ART4: variants seen among roughly 807,000 people sequenced by gnomAD.
ART4 encodes the protein ADP-ribosyltransferase 4 (inactive) (Dombrock blood group).
In ART4, 14 loss-of-function variants were observed where a neutral mutation model predicts 24.2. The ratio of observed to expected loss-of-function variants is 0.58; its 90% CI spans 0.38 to 0.90. ART4 has a LOEUF of 0.90. ART4 is among the 40% of genes least tolerant of loss of function. The pLI, the probability that ART4 is intolerant of heterozygous loss-of-function variation, is 0.00. For missense variants in ART4, 356 were observed against 366.6 expected (o/e 0.97, Z 0.24); for synonymous variants, 145 against 139.9 (o/e 1.04, Z -0.26).
Position 14,840,820 on chromosome 12 carries a change from G to GTAAAT in ART4, c.473_477dup (p.His160IlefsTer13). The GTAAAT allele has an allele frequency of 6.2e-7, 1 of 1,614,194 alleles. No individual in the cohort carries two copies. Among genetic ancestry groups the GTAAAT allele is most frequent in the Non-Finnish European group, 8.5e-7 (1 of 1,180,036 alleles). ...TGGATTGCTGAGGTGAGGTAGTAGT[G>GTAAAT]TAAATATTTGAAGTGGAATGAACGT... On this transcript the variant is annotated frameshift_variant, in exon 2 of 3. Coordinates refer to ENST00000228936, the MANE Select transcript of ART4 (RefSeq NM_021071.4). LOFTEE classifies it high-confidence loss of function.
intron 2 of ART4, among the ~76,000 whole-genome samples, chr12:14,839,288 T>A (rs1404699112): frequency 1.3e-5 from 2 of 152,284 alleles, no homozygotes; most frequent in East Asian, 3.9e-4. Flanking sequence ...CTACACATCC[T>A]ACACACCAGC....
chr12:14,841,119 C>G lies in ART4; in HGVS notation c.179G>C (p.Gly60Ala). The G allele has an allele frequency of 7.0e-6, 11 of 1,581,726 alleles. No homozygotes were observed. The highest frequency in any genetic ancestry group is 9.4e-6 in the Non-Finnish European group (11 of 1,167,578). ...GCCTTGGTACTGATCATCAAAAGAA[C>G]CTGGTGCGAAGTCGAAGTCGATTTT... ...AIKIDFDFAP[G>A]SFDDQYQGCS... Residue 60 changes from glycine (G) to alanine (A), a missense_variant, in exon 2 of 3, where the codon GGT becomes GCT. Transcript: ENST00000228936.
rs1002037229 is a variant in ART4 at position 14,840,747 on chromosome 12, T to C, written c.551A>G (p.Glu184Gly). 6 of 1,614,160 alleles carry C rather than the reference T, an allele frequency of 3.7e-6. No individual in the cohort carries two copies. Among genetic ancestry groups the C allele is most frequent in the Non-Finnish European group, 3.4e-6 (4 of 1,180,032 alleles). Residue 184 changes from glutamate to glycine, a missense_variant, in exon 2 of 3, where the codon GAG becomes GGG. Physicochemically the swap from Glu to Gly is moderately conservative, Grantham distance 98. Coordinates refer to ENST00000228936, the MANE Select transcript of ART4 (RefSeq NM_021071.4). ...SIMENGTLCY[E>G]VHYRTKDVHF... is the part of the protein sequence containing the mutation. ...GACATCCTTCGTCCTATAATGCACC[T>C]CATAGCACAGAGTGCCATTCTCCAT...
chr12:14,840,890 A>C lies in ART4; in HGVS notation c.408T>G (p.Phe136Leu). 1 of 1,614,208 alleles carries C rather than the reference A, an allele frequency of 6.2e-7. No individual in the cohort carries two copies. The highest frequency in any genetic ancestry group is 8.5e-7 in the Non-Finnish European group (1 of 1,180,018). The change falls in exon 2 of 3, where the codon TTT becomes TTG. Residue 136 changes from phenylalanine (F) to leucine (L), a missense_variant. Physicochemically the swap from Phe to Leu is conservative, Grantham distance 22 (BLOSUM62 0). Transcript: ENST00000228936. ...YTLNSNVHSD[F>L]TRAMASVART... Reference sequence around the variant, plus strand: ...TGGCAACAGAGGCCATGGCTCTAGTAAAGTCAGAATGAACATTGCTGTTCA... The same window carrying C: ...TGGCAACAGAGGCCATGGCTCTAGTCAAGTCAGAATGAACATTGCTGTTCA...
chr12:14,836,192 T>C (rs1240622715), intron 2 of ART4, among the ~76,000 whole-genome samples: 3 of 152,192 alleles, frequency 2.0e-5, no homozygotes. Flanking sequence ...CAGTAGATCT[T>C]AGCAACCTCA....
chr12:14,842,872 G>A, intron 1 of ART4, 98 bp downstream of exon 1: 1 of 1,378,214 alleles, frequency 7.3e-7, no homozygotes, highest in South Asian at 1.5e-5. Context: ...ACTAGATTCT[G>A]AATGCCTAAG....
rs1304888033 is a variant in ART4, at chr12:14,828,577, C to G, written c.*794G>C. On this transcript the variant is annotated 3_prime_UTR_variant, in exon 3 of 3. Coordinates refer to ENST00000228936, the MANE Select transcript of ART4 (RefSeq NM_021071.4). ...TGGTGAAGAATTTGTCCTTTGCTTT[C>G]TAATTTAATCTTCTTTGATTTGTTC... The G allele has an allele frequency of 6.6e-6, 1 of 151,528 alleles. No homozygotes were observed. The highest frequency in any genetic ancestry group is 2.4e-5 in the African/African-American group (1 of 41,138). 9.4% of individuals were successfully genotyped at this position (151,528 alleles called of 1,614,324 possible).
At chr12:14,836,706 A>C (rs2137301699) in intron 2 of ART4, among the ~76,000 whole-genome samples, 1 of 152,226 alleles carries the variant, frequency 6.6e-6, no homozygotes, top group African/African-American at 2.4e-5. Context: ...ACCCTTAGTC[A>C]GAGTCTGGGA....
rs148711787 is a variant in ART4 at position 14,840,601 on chromosome 12, C to A, written c.697G>T (p.Gly233Cys). 7.1e-4 allele frequency: 1,144 copies of A among 1,614,004 alleles called. No individual in the cohort carries two copies. The highest frequency in any genetic ancestry group is 8.9e-4 in the Non-Finnish European group (1,050 of 1,180,028). ...QTLFTIFTCLGAPVQYFSLKK... is the reference protein window; with the variant it reads ...QTLFTIFTCLCAPVQYFSLKK... ...AGGGAGAAGTACTGTACAGGTGCAC[C>A]CAGGCAGGTGAATATGGTAAATAGT... Residue 233 changes from glycine (G) to cysteine (C), a missense_variant, in exon 2 of 3, where the codon GGT becomes TGT. Physicochemically the swap from Gly to Cys is radical, Grantham distance 159. Transcript: ENST00000228936.
In ART4 at chr12:14,840,680, T is replaced by C. The variant is rs1458196989; in HGVS notation, c.618A>G (p.Gln206=). 6.2e-7 allele frequency: 1 copy of C among 1,614,118 alleles called. No homozygotes were observed. The highest frequency in any genetic ancestry group is 2.2e-5 in the East Asian group (1 of 44,870). Residue 206 remains glutamine, a synonymous_variant, in exon 2 of 3, where the codon CAA becomes CAG. Transcript: ENST00000228936. ...CTTTCAGGAGGGATGTGGAGAGGAA[T>C]TGGCCAAATCGAATGGTGGCCCCTG... ...AYTGATIRFG[Q]FLSTSLLKEE...
In ART4 at chr12:14,841,113, A is replaced by G. The variant is rs150640567; in HGVS notation, c.185T>C (p.Phe62Ser). The change falls in exon 2 of 3, where the codon TTT becomes TCT. Residue 62 changes from phenylalanine (F) to serine (S), a missense_variant. Coordinates refer to ENST00000228936, the MANE Select transcript of ART4 (RefSeq NM_021071.4). ...GCTACAGCCTTGGTACTGATCATCA[A>G]AAGAACCTGGTGCGAAGTCGAAGTC... ...KIDFDFAPGS[F>S]DDQYQGCSKQ... 6.9e-4 allele frequency: 1,102 copies of G among 1,590,500 alleles called. 1 individual carries two copies. The highest frequency in any genetic ancestry group is 8.8e-4 in the Non-Finnish European group (1,026 of 1,171,966).
chr12:14,836,975 C>G (rs1592250002), intron 2 of ART4, among the ~76,000 whole-genome samples: 2 of 152,228 alleles, frequency 1.3e-5, no homozygotes, highest in East Asian at 3.9e-4. Flanking sequence ...TATTCTTGCA[C>G]TTTGGGGCCA....
rs1218206933 is a variant in ART4, at chr12:14,840,495, T to G, written c.803A>C (p.Gln268Pro). The G allele has an allele frequency of 6.2e-7, 1 of 1,614,096 alleles. No individual in the cohort carries two copies. The highest frequency in any genetic ancestry group is 1.1e-5 in the South Asian group (1 of 91,034). ...GCTCAGGTTCCCAGTTGACCTCAAC[T>G]GCAACCAGTCTCCTCTTGGGTGGTA... The part of the protein sequence containing the change: ...MSYHPRGDWL[Q>P]LRSTGNLSTY... Residue 268 changes from glutamine to proline, a missense_variant, in exon 2 of 3, where the codon CAG becomes CCG. By Grantham distance (76) the Gln-to-Pro change is moderately conservative. Coordinates refer to ENST00000228936, the MANE Select transcript of ART4 (RefSeq NM_021071.4).
chr12:14,827,125 C>G lies in ART4; in HGVS notation c.*2246G>C, dbSNP rs1950364357. On this transcript the variant is annotated 3_prime_UTR_variant, in exon 3 of 3. Transcript: ENST00000228936. ...TTAATTTCTCCTAAGAGATTGTAAA[C>G]TCATGAGAGATCTGGCCTAGTGTTC... 1 of 151,430 alleles carries G rather than the reference C, an allele frequency of 6.6e-6. No homozygotes were observed. The highest frequency in any genetic ancestry group is 1.5e-5 in the Non-Finnish European group (1 of 67,952). The allele number at this position is 151,430 out of a possible 1,614,324, so 9.4% of individuals were successfully genotyped here.
intron 2 of ART4, among the ~76,000 whole-genome samples, chr12:14,833,743 A>G (rs1379558584): frequency 6.6e-6 from 1 of 152,206 alleles, no homozygotes; most frequent in Non-Finnish European, 1.5e-5. Flanking sequence ...AGAAGTAAAT[A>G]GTCCTTAAAC....
In ART4 at chr12:14,840,706, T is replaced by G; in HGVS notation, c.592A>C (p.Thr198Pro). The change falls in exon 2 of 3, where the codon ACA (threonine) becomes CCA (proline). Residue 198 changes from threonine to proline, a missense_variant. Coordinates refer to ENST00000228936, the MANE Select transcript of ART4 (RefSeq NM_021071.4). The part of the protein sequence containing the change: ...RTKDVHFNAY[T>P]GATIRFGQFL... ...TGGCCAAATCGAATGGTGGCCCCTG[T>G]GTAGGCATTAAAGTGGACATCCTTC... The G allele has an allele frequency of 1.2e-6, 2 of 1,614,188 alleles. No individual in the cohort carries two copies. The highest frequency in any genetic ancestry group is 1.7e-6 in the Non-Finnish European group (2 of 1,180,022).
intron 2 of ART4, among the ~76,000 whole-genome samples, chr12:14,832,348 C>T (rs1243574377): frequency 6.6e-6 from 1 of 152,136 alleles, no homozygotes; most frequent in Non-Finnish European, 1.5e-5. Context: ...ATGCTCTTTC[C>T]TCAGATATAC....
At chr12:14,830,863 A>G (rs1443472691) in intron 2 of ART4, among the ~76,000 whole-genome samples, 2 of 151,472 alleles carry the variant, frequency 1.3e-5, no homozygotes, top group Non-Finnish European at 2.9e-5. Flanking sequence ...TGTTAAAATC[A>G]AATTATATGA....
rs1234204264 is a variant in ART4 at position 14,827,478 on chromosome 12, T to G, written c.*1893A>C. 8 of 152,274 alleles carry G rather than the reference T, an allele frequency of 5.3e-5. No individual in the cohort carries two copies. 9.4% of individuals were successfully genotyped at this position (152,274 alleles called of 1,614,324 possible). On this transcript the variant is annotated 3_prime_UTR_variant, in exon 3 of 3. Transcript: ENST00000228936. ...GTGCAGTGGTGTGAACTTGGCTCAC[T>G]GCACTACCTCCGCCTCCTGGGTTTA...
Sources: gnomAD v4.1 joint callset for allele counts (sites outside exome capture counted in the v4.1 genomes callset) on GRCh38, gnomAD v4.1.1 for gene constraint, MANE v1.5 for transcripts, NCBI Gene and HGNC (gene_info 2026-07-23, HGNC 2026-07-21) for gene names.